XIRP2: variants seen among roughly 807,000 people sequenced by gnomAD.
XIRP2 encodes xin actin binding repeat containing 2, also known as xin actin-binding repeat-containing protein 2.
In XIRP2, 236 loss-of-function variants were observed where a neutral mutation model predicts 277.0. The ratio of observed to expected loss-of-function variants is 0.85; its 90% CI spans 0.77 to 0.95. The LOEUF (loss-of-function observed/expected upper bound fraction) is 0.95. Ranked by LOEUF, XIRP2 falls within the 40% of genes least tolerant of loss-of-function variation. The pLI, the probability that XIRP2 is intolerant of heterozygous loss-of-function variation, is 0.00. For missense variants in XIRP2, 4,640 were observed against 4,157.5 expected, an observed-to-expected ratio of 1.12 and a Z score of -3.19; for synonymous variants, 1,490 against 1,416.5, an observed-to-expected ratio of 1.05 and a Z score of -1.17.
intron 2 of XIRP2, among the ~76,000 whole-genome samples, chr2:167,064,757 T>C (rs1249912716): frequency 6.6e-6 from 1 of 151,940 alleles, no homozygotes; most frequent in African/African-American, 2.4e-5. Flanking sequence ...ACACAGCATT[T>C]GTCTTTTTCT....
intron 2 of XIRP2, among the ~76,000 whole-genome samples, chr2:167,001,829 C>A (rs763081009): frequency 2.6e-5 from 4 of 152,208 alleles, no homozygotes; most frequent in Non-Finnish European, 4.4e-5. Context: ...GTTAAAGAAT[C>A]ATAAACAATT....
In XIRP2 at chr2:167,213,243, A is replaced by G. The variant is rs74829913; in HGVS notation, c.723+2348A>G. On this transcript the variant is annotated intron_variant, in intron 4 of 10. Coordinates refer to ENST00000409195, the MANE Select transcript of XIRP2 (RefSeq NM_152381.6). ...CCAGATTCATTTTCAAGTCTGTGCA[A>G]TTTTATTCCCTTTACCTTTTTTAAT... is the stretch of plus-strand genomic sequence containing the variant. 3.3e-3 allele frequency among the ~76,000 whole-genome samples: 495 copies of G among 152,252 alleles called. 23 individuals are homozygous for G. In the East Asian group the frequency reaches 0.067, roughly 21 times the overall value.
rs777084432 is a variant in XIRP2, at chr2:167,245,135, T to A, written c.3743T>A (p.Ile1248Asn). ...AGGTGGCTTTTTGAAAACCAACCAA[T>A]TGATAAGATAAAAGAAAGCCAAGAA... ...NCRWLFENQPIDKIKESQEGD... is the reference protein window; with the variant it reads ...NCRWLFENQPNDKIKESQEGD... The change falls in exon 9 of 11, where the codon ATT becomes AAT. Residue 1248 changes from isoleucine to asparagine, a missense_variant. Coordinates refer to ENST00000409195, the MANE Select transcript of XIRP2 (RefSeq NM_152381.6). 7 of 1,612,022 alleles carry A rather than the reference T, an allele frequency of 4.3e-6. No individual in the cohort carries two copies. The highest frequency in any genetic ancestry group is 1.7e-4 in the Middle Eastern group (1 of 6,038).
At chr2:167,093,815 C>A (rs61330750) in intron 2 of XIRP2, among the ~76,000 whole-genome samples, 14,582 of 152,094 alleles carry the variant, frequency 0.096, 1,405 homozygotes, top group African/African-American at 0.24. Context: ...GATTTATAAT[C>A]CTTTGGGTAT....
chr2:167,089,214 G>C (rs1029539397), intron 2 of XIRP2, among the ~76,000 whole-genome samples: 1 of 152,084 alleles, frequency 6.6e-6, no homozygotes, highest in African/African-American at 2.4e-5. Context: ...AGGAAGAAAA[G>C]CAACTATTAG....
In XIRP2 at chr2:167,247,865, G is replaced by C; in HGVS notation, c.6473G>C (p.Ser2158Thr). The change falls in exon 9 of 11, where the codon AGC (serine) becomes ACC (threonine). Residue 2158 changes from serine to threonine, a missense_variant. Physicochemically the swap from Ser to Thr is moderately conservative, Grantham distance 58 (BLOSUM62 1). Coordinates refer to ENST00000409195, the MANE Select transcript of XIRP2 (RefSeq NM_152381.6). ...ATTAAAATATTAACTGATACACAAA[G>C]CTCCAAGCCCAGTCCCACCCAGCAT... ...KNIKILTDTQ[S>T]SKPSPTQHPV... 1 of 1,613,464 alleles carries C rather than the reference G, an allele frequency of 6.2e-7. No homozygotes were observed. Among genetic ancestry groups the C allele is most frequent in the South Asian group, 1.1e-5 (1 of 91,032 alleles).
chr2:167,052,754 A>G (rs528643390), intron 2 of XIRP2, among the ~76,000 whole-genome samples: 1 of 152,302 alleles, frequency 6.6e-6, no homozygotes, highest in African/African-American at 2.4e-5. Context: ...TAGTGGAAAC[A>G]CTAAGATCAT....
At chr2:166,932,858 A>G (rs528343415) in intron 2 of XIRP2, among the ~76,000 whole-genome samples, 2 of 152,080 alleles carry the variant, frequency 1.3e-5, no homozygotes, top group Non-Finnish European at 2.9e-5. Flanking sequence ...TTACCTCTAT[A>G]TCTGGATCTA....
intron 10 of XIRP2, 123 bp downstream of exon 10, chr2:167,254,288 A>C: frequency 8.6e-7 from 1 of 1,167,158 alleles, no homozygotes; most frequent in Non-Finnish European, 1.1e-6. Context: ...ACACAACCAC[A>C]CAGGGAGATT....
Position 167,113,357 on chromosome 2 carries a change from T to C in XIRP2, c.409-22552T>C, listed in dbSNP as rs999292066. On this transcript the variant is annotated intron_variant, in intron 2 of 10. Transcript: ENST00000409195. ...GTGTTGCATACACATCTATTTAAGA[T>C]AGTGAGTTCTTCTTGTTGAATTGAA... is the stretch of plus-strand genomic sequence containing the variant. Among the ~76,000 whole-genome samples the C allele has an allele frequency of 3.9e-5, 6 of 152,220 alleles. No individual in the cohort carries two copies. In the East Asian group the frequency reaches 5.8e-4, roughly 15 times the overall value.
rs748397025 is a variant in XIRP2 at position 167,248,083 on chromosome 2, A to T, written c.6691A>T (p.Ser2231Cys). 2.5e-6 allele frequency: 4 copies of T among 1,613,406 alleles called. No homozygotes were observed. In the African/African-American group the frequency reaches 4.0e-5, roughly 16 times the overall value. ...AACAGAAATGAAAGTCTCTGAAAAA[A>T]GTCACAATACATTTAAGGCAACCAA... ...NVTEMKVSEK[S>C]HNTFKATNKK... is the part of the protein sequence containing the mutation. Residue 2231 changes from serine (S) to cysteine (C), a missense_variant, in exon 9 of 11, where the codon AGT becomes TGT. By Grantham distance (112) the Ser-to-Cys change is moderately radical (BLOSUM62 -1). Coordinates refer to ENST00000409195, the MANE Select transcript of XIRP2 (RefSeq NM_152381.6).
chr2:167,248,304 T>C lies in XIRP2; in HGVS notation c.6912T>C (p.Ser2304=), dbSNP rs780388023. ...CTCCACCACCTTCTAATGCATCATCTGAAATTGAATTTCCTCTTCCTCCTC... is the reference window on the plus strand; with the variant it reads ...CTCCACCACCTTCTAATGCATCATCCGAAATTGAATTTCCTCTTCCTCCTC... ...PPPPPPSNAS[S]EIEFPLPPPP... is the part of the protein sequence containing the mutation. The change falls in exon 9 of 11, where the codon TCT becomes TCC. Residue 2304 remains serine, a synonymous_variant. Transcript: ENST00000409195. The C allele has an allele frequency of 1.3e-5, 21 of 1,613,680 alleles. No homozygotes were observed. In the South Asian group the frequency reaches 1.9e-4, roughly 14 times the overall value.
intron 3 of XIRP2, among the ~76,000 whole-genome samples, chr2:167,197,251 T>C (rs914835432): frequency 2.6e-5 from 4 of 152,194 alleles, no homozygotes; most frequent in Non-Finnish European, 5.9e-5. Flanking sequence ...TCAATGTTGC[T>C]TAATAACTTC....
chr2:167,243,419 C>T lies in XIRP2; in HGVS notation c.2027C>T (p.Ser676Leu). 6.2e-7 allele frequency: 1 copy of T among 1,613,926 alleles called. No individual in the cohort carries two copies. The highest frequency in any genetic ancestry group is 2.2e-5 in the East Asian group (1 of 44,850). ...AAAATGCATCAAAGTCAAGAAGAAT[C>T]AGCGGTAACTATCAGTAAGGACATA... Reference protein sequence around the residue: ...MNKMHQSQEESAVTISKDITG... With the variant: ...MNKMHQSQEELAVTISKDITG... Residue 676 changes from serine (S) to leucine (L), a missense_variant, in exon 9 of 11, where the codon TCA becomes TTA. Ser to Leu is a moderately radical substitution (Grantham distance 145). Coordinates refer to ENST00000409195, the MANE Select transcript of XIRP2 (RefSeq NM_152381.6).
chr2:167,136,710 C>T (rs1327137294), intron 3 of XIRP2, among the ~76,000 whole-genome samples: 1 of 152,150 alleles, frequency 6.6e-6, no homozygotes, highest in African/African-American at 2.4e-5. Context: ...TTTATCATTT[C>T]TGATTAGGCA....
Position 167,092,994 on chromosome 2 carries a change from G to C in XIRP2, c.409-42915G>C, listed in dbSNP as rs555491546. 1.4e-3 allele frequency among the ~76,000 whole-genome samples: 208 copies of C among 152,186 alleles called. No individual in the cohort carries two copies. In the South Asian group the frequency reaches 0.015, roughly 11 times the overall value. ...ATTAATATGTTCTAATACCATGAGT[G>C]TACAGATGTTGAAGTAAACCATATT... On this transcript the variant is annotated intron_variant, in intron 2 of 10. Coordinates refer to ENST00000409195, the MANE Select transcript of XIRP2 (RefSeq NM_152381.6).
At chr2:167,061,420 T>C (rs1558965513) in intron 2 of XIRP2, among the ~76,000 whole-genome samples, 1 of 152,090 alleles carries the variant, frequency 6.6e-6, no homozygotes, top group Non-Finnish European at 1.5e-5. Flanking sequence ...AATATTTGCC[T>C]TTTTTTCCGC....
chr2:167,092,626 A>G (rs987718473), intron 2 of XIRP2, among the ~76,000 whole-genome samples: 11 of 152,160 alleles, frequency 7.2e-5, no homozygotes, highest in Admixed American at 3.3e-4. Context: ...CTTGAACACT[A>G]TAATGATTCT....
intron 5 of XIRP2, among the ~76,000 whole-genome samples, chr2:167,232,517 G>A (rs1694789219): frequency 6.6e-6 from 1 of 151,800 alleles, no homozygotes; most frequent in Non-Finnish European, 1.5e-5. Flanking sequence ...AAATTCTCTG[G>A]TAAAATTCAT....
Sources: gnomAD v4.1 joint callset for allele counts (sites outside exome capture counted in the v4.1 genomes callset) on GRCh38, gnomAD v4.1.1 for gene constraint, MANE v1.5 for transcripts, NCBI Gene and HGNC (gene_info 2026-07-23, HGNC 2026-07-21) for gene names.